The following S100Z variants were observed in gnomAD, a reference collection of about 807,000 sequenced individuals.
S100Z encodes the protein S100 calcium binding protein Z.
In S100Z, 11 loss-of-function variants were observed where a neutral mutation model predicts 8.5. The observed-to-expected ratio is 1.30, with a 90% CI of 0.82 to 2.15. The LOEUF (loss-of-function observed/expected upper bound fraction) is 2.15. Ranked by LOEUF, S100Z falls within the 30% of genes most tolerant of loss-of-function variation. The pLI, the probability that S100Z is intolerant of heterozygous loss-of-function variation, is 0.00. For synonymous variants in S100Z, 34 were observed against 43.8 expected (o/e 0.78, Z 0.89); for missense variants, 126 against 117.9 (o/e 1.07, Z -0.32).
intron 4 of S100Z, among the ~76,000 whole-genome samples, chr5:76,888,476 C>T (rs1260822559): frequency 3.0e-5 from 4 of 135,378 alleles, no homozygotes; most frequent in Non-Finnish European, 6.2e-5. Flanking sequence ...CCCGGGTTCA[C>T]GCCATTCTCC....
the S100Z span, among the ~76,000 whole-genome samples, chr5:76,932,619 G>T: frequency 0.077 from 11,651 of 152,220 alleles, 532 homozygotes; most frequent in East Asian, 0.14. Flanking sequence ...CTCCCAAAGT[G>T]CTGGGATTAC....
chr5:76,934,927 G>A, the S100Z span, among the ~76,000 whole-genome samples: 4 of 152,138 alleles, frequency 2.6e-5, no homozygotes, highest in African/African-American at 4.8e-5. Context: ...GATTTCCAAC[G>A]CATCCACCCT....
intron 4 of S100Z, among the ~76,000 whole-genome samples, chr5:76,884,642 A>G (rs1466780018): frequency 6.6e-6 from 1 of 152,224 alleles, no homozygotes; most frequent in Non-Finnish European, 1.5e-5. Context: ...CTATGCCTTC[A>G]GCTCCAGCCA....
chr5:76,857,921 T>C (rs1750931294), intron 1 of S100Z, among the ~76,000 whole-genome samples: 1 of 152,222 alleles, frequency 6.6e-6, no homozygotes, highest in South Asian at 2.1e-4. Flanking sequence ...TAGGAACTTC[T>C]TTCTTATTTG....
the S100Z span, among the ~76,000 whole-genome samples, chr5:76,934,033 A>C: frequency 5.9e-5 from 9 of 152,232 alleles, no homozygotes; most frequent in African/African-American, 2.2e-4. Context: ...TCCATGTTGT[A>C]GTATCCCATT....
intron 4 of S100Z, among the ~76,000 whole-genome samples, chr5:76,916,661 A>C (rs1257337587): frequency 1.3e-5 from 2 of 152,194 alleles, no homozygotes; most frequent in Non-Finnish European, 2.9e-5. Context: ...AAACACTTGC[A>C]AACTAAACAC....
chr5:76,864,401 T>A (rs1351936997), intron 1 of S100Z, among the ~76,000 whole-genome samples: 60 of 120,734 alleles, frequency 5.0e-4, no homozygotes, highest in African/African-American at 2.0e-3. Flanking sequence ...TTTTTTTTTT[T>A]TTTTTTTTTT....
rs1442413395 is a variant in S100Z at position 76,921,296 on chromosome 5, A to G, written c.*582A>G. The stretch of plus-strand genomic sequence containing the variant: ...TATTTACTCCAATTCCCTATTGCAT[A>G]TAGATTATTTCTAATTTTTCTATTA... On this transcript the variant is annotated 3_prime_UTR_variant, in exon 5 of 5. Coordinates refer to ENST00000317593, the MANE Select transcript of S100Z (RefSeq NM_130772.4). The G allele has an allele frequency of 2.6e-5, 4 of 152,224 alleles. No individual in the cohort carries two copies. Among genetic ancestry groups the G allele is most frequent in the Admixed American group, 6.5e-5 (1 of 15,286 alleles). The allele number at this position is 152,224 out of a possible 1,614,324, so 9.4% of individuals were successfully genotyped here.
rs114793176 is a variant in S100Z at position 76,895,309 on chromosome 5, C to T, written c.*2+17475C>T. Among the ~76,000 whole-genome samples the T allele has an allele frequency of 4.4e-3, 670 of 152,266 alleles. 5 individuals carry two copies. Among genetic ancestry groups the T allele is most frequent in the African/African-American group, 0.015 (638 of 41,558 alleles). On this transcript the variant is annotated intron_variant, in intron 4 of 4. Coordinates refer to ENST00000317593, the MANE Select transcript of S100Z (RefSeq NM_130772.4). ...TTGCCCCTTCATGGAAAGAGAGCAA[C>T]TTATAATATGCTAGTCCCTGGAGTT...
chr5:76,886,740 C>T (rs541054575), intron 4 of S100Z, among the ~76,000 whole-genome samples: 7 of 152,080 alleles, frequency 4.6e-5, no homozygotes, highest in Non-Finnish European at 8.8e-5. Flanking sequence ...TTGGGATAGG[C>T]GGTGGAGTTA....
intron 1 of S100Z, among the ~76,000 whole-genome samples, chr5:76,864,614 G>GCT (rs1751201547): frequency 6.6e-5 from 10 of 151,970 alleles, no homozygotes; most frequent in African/African-American, 2.4e-4. Context: ...ATGTTGCCTA[G>GCT]GCTGGTCTCA....
At chr5:76,929,606 G>A in the S100Z span, among the ~76,000 whole-genome samples, 1 of 152,146 alleles carries the variant, frequency 6.6e-6, no homozygotes, top group Admixed American at 6.5e-5. Context: ...TACACCAAGA[G>A]GTGACATGAG....
At chr5:76,892,654 G>GA (rs1182452819) in intron 4 of S100Z, among the ~76,000 whole-genome samples, 11 of 149,922 alleles carry the variant, frequency 7.3e-5, no homozygotes, top group South Asian at 2.1e-4. Flanking sequence ...AAAGAAGAAA[G>GA]AAAAAAAAAG....
chr5:76,936,819 A>ATGGGAAG, the S100Z span, among the ~76,000 whole-genome samples: 1 of 152,084 alleles, frequency 6.6e-6, no homozygotes, highest in African/African-American at 2.4e-5. Context: ...GGGGATGGAG[A>ATGGGAAG]TGGGAAGAGG....
At chr5:76,929,522 G>A in the S100Z span, among the ~76,000 whole-genome samples, 1 of 152,136 alleles carries the variant, frequency 6.6e-6, no homozygotes, top group Non-Finnish European at 1.5e-5. Context: ...AAATATAAGT[G>A]CATGACAATA....
intron 4 of S100Z, among the ~76,000 whole-genome samples, chr5:76,892,753 TA>T (rs1395010639): frequency 2.0e-5 from 3 of 152,184 alleles, no homozygotes; most frequent in African/African-American, 7.2e-5. Flanking sequence ...TTTTATGTGC[TA>T]AAAGGGGGTA....
At chr5:76,894,751 A>G (rs1186957187) in intron 4 of S100Z, among the ~76,000 whole-genome samples, 1 of 152,026 alleles carries the variant, frequency 6.6e-6, no homozygotes, top group Non-Finnish European at 1.5e-5. Flanking sequence ...ATGCACTACC[A>G]TGCCCAGCTA....
chr5:76,926,446 G>T (rs558747987), downstream of S100Z, among the ~76,000 whole-genome samples: 1 of 152,302 alleles, frequency 6.6e-6, no homozygotes, highest in East Asian at 1.9e-4. Context: ...TGGCAGTTCA[G>T]TGTGGGAGCT....
chr5:76,946,294 G>A, the S100Z span, among the ~76,000 whole-genome samples: 1 of 152,138 alleles, frequency 6.6e-6, no homozygotes, highest in East Asian at 1.9e-4. Context: ...AATAGATGAT[G>A]TCATTCAACA....
Sources: gnomAD v4.1 joint callset for allele counts (sites outside exome capture counted in the v4.1 genomes callset) on GRCh38, gnomAD v4.1.1 for gene constraint, MANE v1.5 for transcripts, NCBI Gene and HGNC (gene_info 2026-07-23, HGNC 2026-07-21) for gene names.